Variants in REV3L observed in about 807,000 individuals in gnomAD.
REV3L encodes DNA polymerase zeta catalytic subunit.
Under a neutral mutation model 299.4 loss-of-function variants are expected in REV3L, and 69 were observed. The ratio of observed to expected loss-of-function variants is 0.23; its 90% confidence interval spans 0.19 to 0.28. REV3L has a LOEUF of 0.28. REV3L is among the 10% of genes least tolerant of loss of function. The pLI is 1.00. For missense variants in REV3L, 3,128 were observed against 3,693.8 expected, an observed-to-expected ratio of 0.85 and a Z score of 3.97; for synonymous variants, 1,238 against 1,271.4, an observed-to-expected ratio of 0.97 and a Z score of 0.56.
intron 20 of REV3L, among the ~76,000 whole-genome samples, chr6:111,347,336 T>G (rs1487492765): frequency 6.6e-6 from 1 of 151,534 alleles, no homozygotes; most frequent in Non-Finnish European, 1.5e-5. Context: ...CACCACAATC[T>G]CTGTATCTCT....
At chr6:111,398,830 G>A (rs1315837561) in intron 4 of REV3L, among the ~76,000 whole-genome samples, 1 of 152,076 alleles carries the variant, frequency 6.6e-6, no homozygotes, top group Non-Finnish European at 1.5e-5. Context: ...ACAAAAACCT[G>A]AGGGCTAACT....
intron 1 of REV3L, among the ~76,000 whole-genome samples, chr6:111,468,196 T>C (rs780963103): frequency 5.9e-5 from 9 of 152,176 alleles, no homozygotes; most frequent in African/African-American, 1.2e-4. Context: ...TACAAAAGAT[T>C]TGATAATGCC....
intron 31 of REV3L, among the ~76,000 whole-genome samples, chr6:111,303,165 C>CTTTCCTTT (rs4038141): frequency 1.1e-5 from 1 of 92,342 alleles, no homozygotes; most frequent in Non-Finnish European, 2.1e-5. Flanking sequence ...TCTTTTCTTT[C>CTTTCCTTT]TTTTTTTTTT....
At chr6:111,333,413 A>G in intron 22 of REV3L, 46 bp from the exon 23 acceptor site, 1 of 1,598,916 alleles carries the variant, frequency 6.3e-7, no homozygotes, top group Admixed American at 1.7e-5. Flanking sequence ...ACAGTTAAAT[A>G]TATTGGTCAT....
intron 2 of REV3L, chr6:111,412,367 G>A (rs1784336766): frequency 1.9e-6 from 1 of 532,984 alleles, no homozygotes; most frequent in East Asian, 1.5e-4. Flanking sequence ...GATGAAATAA[G>A]CTGAACTCTC....
At chr6:111,441,728 C>A (rs1159282787) in intron 1 of REV3L, among the ~76,000 whole-genome samples, 2 of 152,192 alleles carry the variant, frequency 1.3e-5, no homozygotes, top group African/African-American at 4.8e-5. Flanking sequence ...AATATTTTCT[C>A]TACTGTCCTT....
chr6:111,373,498 A>G lies in REV3L; in HGVS notation c.4857T>C (p.Asp1619=). Residue 1619 remains aspartate (D), a synonymous_variant, in exon 13 of 32, where the codon GAT becomes GAC. Coordinates refer to ENST00000368802, the MANE Select transcript of REV3L (RefSeq NM_001372078.1). Reference sequence around the variant, plus strand: ...CTGGATCTGAAAAAAAGATGGGACTATCATCTGATACAGAGTTATCCAACT... The same window carrying G: ...CTGGATCTGAAAAAAAGATGGGACTGTCATCTGATACAGAGTTATCCAACT... ...SSQLDNSVSD[D]SPIFFSDPGF... The G allele has an allele frequency of 6.2e-7, 1 of 1,613,432 alleles. No homozygotes were observed. Among genetic ancestry groups the G allele is most frequent in the South Asian group, 1.1e-5 (1 of 90,944 alleles).
At chr6:111,405,435 G>C in intron 4 of REV3L, 35 bp downstream of exon 4, 2 of 1,533,528 alleles carry the variant, frequency 1.3e-6, no homozygotes, top group Non-Finnish European at 8.8e-7. Context: ...ACTTTAATTT[G>C]ACAAAAATTT....
chr6:111,469,102 C>G (rs1791868909), intron 1 of REV3L, among the ~76,000 whole-genome samples: 1 of 152,112 alleles, frequency 6.6e-6, no homozygotes, highest in African/African-American at 2.4e-5. Context: ...GTGAAGGTGG[C>G]AGTGAGCCAA....
In REV3L at chr6:111,367,494, G is replaced by C. The variant is rs1488706254; in HGVS notation, c.6294C>G (p.Ala2098=). 6 of 1,609,202 alleles carry C rather than the reference G, an allele frequency of 3.7e-6. No homozygotes were observed. Among genetic ancestry groups the C allele is most frequent in the Non-Finnish European group, 5.1e-6 (6 of 1,176,184 alleles). ...CATCTTTTTCGGGATCACTTGCAGA[G>C]GCAACTGGTGGCAGCATCTGACTTT... ...ASESQMLPPV[A]SASDPEKDED... is the part of the protein sequence containing the mutation. Residue 2098 remains alanine, a synonymous_variant, in exon 14 of 32, where the codon GCC becomes GCG. Coordinates refer to ENST00000368802, the MANE Select transcript of REV3L (RefSeq NM_001372078.1).
intron 3 of REV3L, among the ~76,000 whole-genome samples, chr6:111,408,718 T>C (rs1465979917): frequency 6.6e-6 from 1 of 152,182 alleles, no homozygotes; most frequent in Non-Finnish European, 1.5e-5. Context: ...ATTTACCATA[T>C]TAGAAATTAA....
intron 1 of REV3L, among the ~76,000 whole-genome samples, chr6:111,470,922 C>A (rs1021819681): frequency 6.6e-6 from 1 of 151,842 alleles, no homozygotes; most frequent in African/African-American, 2.4e-5. Context: ...GGAGGTTGCA[C>A]GGAGCCAAGA....
Position 111,358,912 on chromosome 6 carries a change from T to G in REV3L, c.6982A>C (p.Ile2328Leu). 6.2e-7 allele frequency: 1 copy of G among 1,614,146 alleles called. No individual in the cohort carries two copies. Among genetic ancestry groups the G allele is most frequent in the Non-Finnish European group, 8.5e-7 (1 of 1,179,996 alleles). The change falls in exon 17 of 32, where the codon ATC becomes CTC. Residue 2328 changes from isoleucine (I) to leucine (L), a missense_variant. By Grantham distance (5) the Ile-to-Leu change is conservative. Coordinates refer to ENST00000368802, the MANE Select transcript of REV3L (RefSeq NM_001372078.1). ...TCTGGCAGTGGAGTGTCAGATGAGATGCAGTAGAACAGAGCACAGATTGGG... is the reference window on the plus strand; with the variant it reads ...TCTGGCAGTGGAGTGTCAGATGAGAGGCAGTAGAACAGAGCACAGATTGGG... The part of the protein sequence containing the change: ...FDPICALFYC[I>L]SSDTPLPDTE...
intron 1 of REV3L, chr6:111,431,724 AGAAGATACT>A: frequency 1.1e-6 from 1 of 927,028 alleles, no homozygotes; most frequent in Non-Finnish European, 1.7e-6. Flanking sequence ...TGGATTTGAC[AGAAGATACT>A]GAAGAACCTA....
At chr6:111,408,411 G>A (rs2128277781) in intron 3 of REV3L, among the ~76,000 whole-genome samples, 1 of 152,138 alleles carries the variant, frequency 6.6e-6, no homozygotes, top group South Asian at 2.1e-4. Context: ...GAGACCACCT[G>A]GCCAAGATGG....
At chr6:111,400,197 A>G (rs947203168) in intron 4 of REV3L, among the ~76,000 whole-genome samples, 3 of 152,184 alleles carry the variant, frequency 2.0e-5, no homozygotes, top group African/African-American at 7.2e-5. Flanking sequence ...TAAAGTTGCT[A>G]TAAACATTTG....
chr6:111,322,370 G>C (rs1232381062), intron 26 of REV3L, among the ~76,000 whole-genome samples, 199 bp downstream of exon 26: 2 of 152,094 alleles, frequency 1.3e-5, no homozygotes, highest in African/African-American at 4.8e-5. Context: ...TTCAGTTTGT[G>C]GCTCAGGACA....
At chr6:111,352,446 A>G (rs941048668) in intron 18 of REV3L, among the ~76,000 whole-genome samples, 2 of 152,178 alleles carry the variant, frequency 1.3e-5, no homozygotes, top group Admixed American at 6.5e-5. Context: ...TAATGTGGGC[A>G]GGGGAAGGTG....
chr6:111,418,573 T>G (rs1421821800), intron 1 of REV3L, among the ~76,000 whole-genome samples: 2 of 152,180 alleles, frequency 1.3e-5, no homozygotes, highest in Admixed American at 1.3e-4. Context: ...TATTTCTAAT[T>G]AGGATAATCT....
Sources: gnomAD v4.1 joint callset for allele counts (sites outside exome capture counted in the v4.1 genomes callset) on GRCh38, gnomAD v4.1.1 for gene constraint, MANE v1.5 for transcripts, NCBI Gene and HGNC (gene_info 2026-07-23, HGNC 2026-07-21) for gene names.